The following TET1 variants were observed in gnomAD, a reference collection of about 807,000 sequenced individuals.
TET1 encodes the protein tet methylcytosine dioxygenase 1, also known as methylcytosine dioxygenase TET1.
A neutral mutation model predicts 148.7 loss-of-function variants in TET1; 13 were observed. The ratio of observed to expected loss-of-function variants is 0.09; its 90% CI spans 0.06 to 0.14. The LOEUF (loss-of-function observed/expected upper bound fraction) is 0.14, where lower values mean the gene tolerates loss of function less well. Among genes scored for constraint, TET1 ranks in the 10% least tolerant of loss-of-function variants. TET1 has a pLI of 1.00. For synonymous variants in TET1, 907 were observed against 937.2 expected (o/e 0.97, Z 0.59); for missense variants, 2,182 against 2,553.8 (o/e 0.85, Z 3.14).
intron 3 of TET1, among the ~76,000 whole-genome samples, chr10:68,625,991 G>A (rs1008366955): frequency 6.6e-6 from 1 of 151,634 alleles, no homozygotes; most frequent in Non-Finnish European, 1.5e-5. Context: ...GGCTGAGGGG[G>A]GAGAATCACT....
In TET1 at chr10:68,694,061, A is replaced by G; in HGVS notation, c.*2247A>G. On this transcript the variant is annotated 3_prime_UTR_variant, in exon 12 of 12. Transcript: ENST00000373644. Reference sequence around the variant, plus strand: ...ATTATCTTCAGTATAATCCATGGTAATGTATGCAGTAATTCAAATTGATCT... The same window carrying G: ...ATTATCTTCAGTATAATCCATGGTAGTGTATGCAGTAATTCAAATTGATCT... 4.3e-6 allele frequency: 1 copy of G among 232,052 alleles called. No homozygotes were observed. Among genetic ancestry groups the G allele is most frequent in the Non-Finnish European group, 8.5e-6 (1 of 117,348 alleles). The allele number at this position is 232,052 out of a possible 1,614,324, so 14.4% of individuals were successfully genotyped here. A position where few individuals can be genotyped will look rare whatever the true frequency, so the allele number is the denominator to read the frequency against.
chr10:68,638,765 TTGTGTGTGTGTGTGTG>T lies in TET1; in HGVS notation c.1969-5902_1969-5887del, dbSNP rs59106736. Reference sequence around the variant, plus strand: ...ACAGGAAATACTGCATGTATGGAGTTTGTGTGTGTGTGTGTGTGTGTGTGTGTGTGTGTGTGTGTGT... The same window carrying T: ...ACAGGAAATACTGCATGTATGGAGTTTGTGTGTGTGTGTGTGTGTGTGTGT... On this transcript the variant is annotated intron_variant, in intron 3 of 11. Transcript: ENST00000373644. Among the ~76,000 whole-genome samples the T allele has an allele frequency of 6.5e-3, 910 of 140,904 alleles. 5 individuals are homozygous for T. The highest frequency in any genetic ancestry group is 0.021 in the African/African-American group (819 of 38,168). 92.4% of individuals were successfully genotyped at this position (140,904 alleles called of 152,430 possible).
At chr10:68,590,716 GTTCAC>G (rs1022484694) in intron 2 of TET1, among the ~76,000 whole-genome samples, 4 of 152,018 alleles carry the variant, frequency 2.6e-5, no homozygotes, top group African/African-American at 7.2e-5. Flanking sequence ...GAGCCCAGGA[GTTCAC>G]TGCATGTCTG....
intron 10 of TET1, among the ~76,000 whole-genome samples, chr10:68,684,286 G>C (rs934777896): frequency 5.3e-5 from 8 of 151,658 alleles, no homozygotes; most frequent in Non-Finnish European, 1.2e-4. Context: ...CAGTGTGATT[G>C]AAAGTATATG....
At chr10:68,605,411 T>C (rs1356650086) in intron 3 of TET1, among the ~76,000 whole-genome samples, 2 of 152,158 alleles carry the variant, frequency 1.3e-5, no homozygotes, top group Non-Finnish European at 2.9e-5. Flanking sequence ...AGGCGGAGGT[T>C]ACAGTGAGGA....
Position 68,646,841 on chromosome 10 carries a change from G to A in TET1, c.4112G>A (p.Ser1371Asn). 1 of 1,614,212 alleles carries A rather than the reference G, an allele frequency of 6.2e-7. No individual in the cohort carries two copies. ...SGGITVVSTK[S>N]EEEVCSSSFG... ...GGAATTACAGTGGTTTCTACCAAAA[G>A]TGAAGAGGAAGTCTGTTCATCCAGT... Residue 1371 changes from serine (S) to asparagine (N), a missense_variant, in exon 4 of 12, where the codon AGT (serine) becomes AAT (asparagine). Physicochemically the swap from Ser to Asn is conservative, Grantham distance 46. This residue lies in a region of TET1 where 169 missense variants were observed against 263.7 expected (regional missense o/e 0.64). Coordinates refer to ENST00000373644, the MANE Select transcript of TET1 (RefSeq NM_030625.3).
At position 68,646,038 on chromosome 10, in the gene TET1, A is replaced by C; in HGVS notation, c.3309A>C (p.Thr1103=). The C allele has an allele frequency of 6.2e-7, 1 of 1,614,134 alleles. No homozygotes were observed. The highest frequency in any genetic ancestry group is 8.5e-7 in the Non-Finnish European group (1 of 1,180,036). ...CAGAGGACAAAAAAGTTGAAAGTAC[A>C]CCAACAAGCCTTGTCACATGTAATG... ...IKPEDKKVES[T]PTSLVTCNVQ... Residue 1103 remains threonine (T), a synonymous_variant, in exon 4 of 12, where the codon ACA becomes ACC. Transcript: ENST00000373644.
At chr10:68,607,962 C>G (rs2054149572) in intron 3 of TET1, among the ~76,000 whole-genome samples, 1 of 150,456 alleles carries the variant, frequency 6.6e-6, no homozygotes, top group Non-Finnish European at 1.5e-5. Context: ...CAGAGTCTTG[C>G]TCTGTCACCA....
At chr10:68,626,439 G>C (rs2054483788) in intron 3 of TET1, among the ~76,000 whole-genome samples, 1 of 152,004 alleles carries the variant, frequency 6.6e-6, no homozygotes, top group Non-Finnish European at 1.5e-5. Context: ...GGCCTCAAGG[G>C]ATCCTCCTGC....
At chr10:68,655,611 A>G (rs1304117180) in intron 6 of TET1, among the ~76,000 whole-genome samples, 1 of 152,190 alleles carries the variant, frequency 6.6e-6, no homozygotes, top group Non-Finnish European at 1.5e-5. Context: ...CTTTTCTAAT[A>G]TAATAATAAT....
At chr10:68,620,243 G>A (rs1337000455) in intron 3 of TET1, among the ~76,000 whole-genome samples, 1 of 152,150 alleles carries the variant, frequency 6.6e-6, no homozygotes, top group East Asian at 1.9e-4. Flanking sequence ...TCACCAATGT[G>A]CATCTATCAT....
intron 11 of TET1, 63 bp from the exon 12 acceptor site, chr10:68,690,745 T>C: frequency 1.3e-6 from 2 of 1,492,342 alleles, no homozygotes; most frequent in Non-Finnish European, 1.8e-6. Context: ...AAAATACTTT[T>C]TAAAAGGCAA....
At chr10:68,577,619 C>A (rs752456675) in intron 2 of TET1, among the ~76,000 whole-genome samples, 11 of 151,984 alleles carry the variant, frequency 7.2e-5, no homozygotes, top group Non-Finnish European at 1.2e-4. Flanking sequence ...ACCAGCCTGG[C>A]CAACATGGTG....
intron 2 of TET1, among the ~76,000 whole-genome samples, chr10:68,599,681 C>G (rs1329383386): frequency 2.0e-5 from 3 of 152,204 alleles, no homozygotes; most frequent in Non-Finnish European, 2.9e-5. Context: ...GTGCGCAGAC[C>G]GGCCCCACGT....
At chr10:68,665,297 CACA>C (rs1428926810) in intron 6 of TET1, among the ~76,000 whole-genome samples, 1 of 148,074 alleles carries the variant, frequency 6.8e-6, no homozygotes, top group African/African-American at 2.6e-5. Context: ...CACACACACA[CACA>C]TACACACGAA....
chr10:68,570,968 GTTATTTTATTTTAT>G (rs1374771607), intron 1 of TET1, among the ~76,000 whole-genome samples: 14 of 150,434 alleles, frequency 9.3e-5, no homozygotes, highest in South Asian at 2.1e-4. Flanking sequence ...TTCTATTTTT[GTTATTTTATTTTAT>G]TTATTTTATT....
In TET1 at chr10:68,573,208, T is replaced by G; in HGVS notation, c.870T>G (p.Ile290Met). 1 of 1,614,030 alleles carries G rather than the reference T, an allele frequency of 6.2e-7. No individual in the cohort carries two copies. The highest frequency in any genetic ancestry group is 8.5e-7 in the Non-Finnish European group (1 of 1,180,018). ...TATCTGATTCTTACCTGGATCCCAT[T>G]AAAAGTGAACATGATTGCTACCCCA... is the stretch of plus-strand genomic sequence containing the variant. ...LKLSDSYLDP[I>M]KSEHDCYPTS... Residue 290 changes from isoleucine (I) to methionine (M), a missense_variant, in exon 2 of 12, where the codon ATT becomes ATG. Physicochemically the swap from Ile to Met is conservative, Grantham distance 10 (BLOSUM62 1). Transcript: ENST00000373644.
intron 6 of TET1, 95 bp from the exon 7 acceptor site, chr10:68,666,950 T>C: frequency 9.1e-7 from 1 of 1,103,868 alleles, no homozygotes; most frequent in Non-Finnish European, 1.3e-6. Context: ...GTAAATAAAC[T>C]AAAATATAAT....
intron 4 of TET1, among the ~76,000 whole-genome samples, chr10:68,649,489 C>A (rs2054899925): frequency 6.6e-6 from 1 of 151,930 alleles, no homozygotes; most frequent in Non-Finnish European, 1.5e-5. Flanking sequence ...TGCCTGTAGT[C>A]CCAGCTACTT....
Sources: allele counts gnomAD v4.1 joint callset (sites outside exome capture counted in the v4.1 genomes callset), GRCh38; gene constraint gnomAD v4.1.1; regional missense constraint gnomAD v4.1.1; transcripts MANE v1.5; gene names NCBI Gene and HGNC (gene_info 2026-07-23, HGNC 2026-07-21).